Variants in ATRNL1 observed in about 807,000 individuals in gnomAD.
ATRNL1 encodes attractin like 1.
ATRNL1 carries 95 observed loss-of-function variants against 182.7 expected under a neutral mutation model. That is an observed-to-expected ratio of 0.52 (90% confidence interval 0.44 to 0.62). The LOEUF (loss-of-function observed/expected upper bound fraction) is 0.62, where lower values mean the gene tolerates loss of function less well. ATRNL1 is among the 20% of genes least tolerant of loss of function. The probability of loss-of-function intolerance (pLI) is 0.00; values close to 1 mark genes in which losing one functional copy is unlikely to be tolerated. For synonymous variants in ATRNL1, 576 were observed against 568.3 expected (o/e 1.01, Z -0.19); for missense variants, 1,471 against 1,679.5 (o/e 0.88, Z 2.17).
At chr10:115,834,261 C>A (rs1555094698) in intron 27 of ATRNL1, among the ~76,000 whole-genome samples, 1 of 152,150 alleles carries the variant, frequency 6.6e-6, no homozygotes. Context: ...CTCCAATATT[C>A]CTTCTTTATT....
chr10:115,511,695 T>A (rs1237997065), intron 24 of ATRNL1, among the ~76,000 whole-genome samples: 1 of 151,936 alleles, frequency 6.6e-6, no homozygotes, highest in Admixed American at 6.6e-5. Flanking sequence ...GCAACTTTTT[T>A]ATAAAATCAT....
intron 26 of ATRNL1, among the ~76,000 whole-genome samples, chr10:115,692,288 G>C (rs1555048458): frequency 6.6e-6 from 1 of 152,128 alleles, no homozygotes; most frequent in Admixed American, 6.6e-5. Context: ...TCTAATTGCA[G>C]ACAGAACTAT....
chr10:115,657,967 A>C (rs1303839479), intron 26 of ATRNL1, among the ~76,000 whole-genome samples: 1 of 151,780 alleles, frequency 6.6e-6, no homozygotes, highest in Non-Finnish European at 1.5e-5. Context: ...CTTACCAAAT[A>C]TATTCTCATA....
At chr10:115,916,651 T>C (rs192256157) in intron 28 of ATRNL1, among the ~76,000 whole-genome samples, 1 of 152,230 alleles carries the variant, frequency 6.6e-6, no homozygotes, top group Non-Finnish European at 1.5e-5. Flanking sequence ...TTAGAATTCA[T>C]GAAAGTCTTA....
At chr10:115,168,393 G>A (rs1554884808) in intron 7 of ATRNL1, among the ~76,000 whole-genome samples, 2 of 152,066 alleles carry the variant, frequency 1.3e-5, no homozygotes, top group African/African-American at 4.8e-5. Context: ...CTGACAGAAT[G>A]TTTTCCAAAG....
At chr10:115,105,943 G>C (rs1486070361) in intron 1 of ATRNL1, among the ~76,000 whole-genome samples, 1 of 152,156 alleles carries the variant, frequency 6.6e-6, no homozygotes, top group African/African-American at 2.4e-5. Context: ...AGTCCCTACT[G>C]GAACATTGCC....
At chr10:115,165,714 C>T in intron 7 of ATRNL1, 69 bp downstream of exon 7, 1 of 782,340 alleles carries the variant, frequency 1.3e-6, no homozygotes, top group Non-Finnish European at 2.0e-6. Context: ...CTAAAAAATA[C>T]TAAATCTCAG....
chr10:115,896,452 G>A (rs1368646334), intron 28 of ATRNL1, among the ~76,000 whole-genome samples: 4 of 152,132 alleles, frequency 2.6e-5, no homozygotes, highest in Non-Finnish European at 1.5e-5. Flanking sequence ...GACAAAGATA[G>A]CGCAGTAAAA....
Position 115,822,287 on chromosome 10 carries a change from G to C in ATRNL1, c.3904-25590G>C, listed in dbSNP as rs183894525. Among the ~76,000 whole-genome samples the C allele has an allele frequency of 3.3e-3, 499 of 152,278 alleles. 1 individual carries two copies. Among genetic ancestry groups the C allele is most frequent in the African/African-American group, 0.011 (464 of 41,558 alleles). On this transcript the variant is annotated intron_variant, in intron 27 of 28. Transcript: ENST00000355044. ...TGGGACACAGCTAAAGCAGTGTCTA[G>C]AGGGAAATTTATAGCACTAAATGCC...
At chr10:115,563,889 G>A (rs1555000619) in intron 26 of ATRNL1, among the ~76,000 whole-genome samples, 1 of 151,900 alleles carries the variant, frequency 6.6e-6, no homozygotes, top group Non-Finnish European at 1.5e-5. Flanking sequence ...CAACCAAAGA[G>A]GATATCTTAA....
rs893889687 is a variant in ATRNL1, at chr10:115,611,932, G to A, written c.3795+62396G>A. ...TAGTCATTACAAGGCCAAAAATTATGAGGAAGGGGGAATTGGAAAATAAGA... is the reference window on the plus strand; with the variant it reads ...TAGTCATTACAAGGCCAAAAATTATAAGGAAGGGGGAATTGGAAAATAAGA... On this transcript the variant is annotated intron_variant, in intron 26 of 28. Coordinates refer to ENST00000355044, the MANE Select transcript of ATRNL1 (RefSeq NM_207303.4). Among the ~76,000 whole-genome samples the A allele has an allele frequency of 1.1e-4, 16 of 152,168 alleles. 1 individual carries two copies. Among genetic ancestry groups the A allele is most frequent in the Middle Eastern group, 6.8e-3 (2 of 294 alleles).
At chr10:115,868,012 C>T (rs1951479417) in intron 28 of ATRNL1, among the ~76,000 whole-genome samples, 1 of 152,106 alleles carries the variant, frequency 6.6e-6, no homozygotes, top group Non-Finnish European at 1.5e-5. Flanking sequence ...TATCCATCTG[C>T]CTCAGCCTCC....
chr10:115,169,433 T>C (rs1847197187), intron 7 of ATRNL1, among the ~76,000 whole-genome samples: 2 of 152,054 alleles, frequency 1.3e-5, no homozygotes, highest in Non-Finnish European at 2.9e-5. Flanking sequence ...GGTTTTGAAC[T>C]CCTGACCTCA....
At chr10:115,764,574 CTA>C (rs1443403051) in intron 27 of ATRNL1, among the ~76,000 whole-genome samples, 1 of 152,216 alleles carries the variant, frequency 6.6e-6, no homozygotes, top group East Asian at 1.9e-4. Flanking sequence ...TCATACATTT[CTA>C]TGATTATTGT....
At chr10:115,290,338 A>G (rs1187110734) in intron 15 of ATRNL1, among the ~76,000 whole-genome samples, 4 of 152,140 alleles carry the variant, frequency 2.6e-5, no homozygotes, top group African/African-American at 9.7e-5. Flanking sequence ...AATCAAGGAC[A>G]CAGACACACA....
intron 1 of ATRNL1, among the ~76,000 whole-genome samples, chr10:115,108,599 G>T (rs1009313283): frequency 1.1e-4 from 16 of 152,162 alleles, no homozygotes; most frequent in African/African-American, 3.9e-4. Context: ...TATGAAAATG[G>T]ATTTCCCAGT....
chr10:115,772,597 CTGTG>C (rs57939999), intron 27 of ATRNL1, among the ~76,000 whole-genome samples: 3,940 of 140,368 alleles, frequency 0.028, 76 homozygotes, highest in Non-Finnish European at 0.037. Flanking sequence ...TATACTCTGT[CTGTG>C]TGTGTGTGTG....
chr10:115,333,942 G>A (rs1467475086), intron 18 of ATRNL1, among the ~76,000 whole-genome samples: 4 of 151,880 alleles, frequency 2.6e-5, no homozygotes, highest in Non-Finnish European at 4.4e-5. Flanking sequence ...ATAGTATTTA[G>A]CCTTGTGTTT....
intron 28 of ATRNL1, among the ~76,000 whole-genome samples, chr10:115,927,390 T>C (rs1953268299): frequency 6.6e-6 from 1 of 152,132 alleles, no homozygotes; most frequent in South Asian, 2.1e-4. Flanking sequence ...TTTGAACATT[T>C]GCTAAGAATA....
Sources: allele counts gnomAD v4.1 joint callset (sites outside exome capture counted in the v4.1 genomes callset), GRCh38; gene constraint gnomAD v4.1.1; transcripts MANE v1.5; gene names NCBI Gene and HGNC (gene_info 2026-07-23, HGNC 2026-07-21).